TIAM1: variants seen among roughly 807,000 people sequenced by gnomAD.
The protein encoded by TIAM1 is TIAM Rac1 associated GEF 1, also known as rho guanine nucleotide exchange factor TIAM1.
In TIAM1, 65 loss-of-function variants were observed where a neutral mutation model predicts 163.5. The observed-to-expected ratio is 0.40, with a 90% CI of 0.33 to 0.49. The LOEUF (loss-of-function observed/expected upper bound fraction) is 0.49, where lower values mean the gene tolerates loss of function less well. Ranked by LOEUF, TIAM1 falls within the 20% of genes least tolerant of loss-of-function variation. The probability of loss-of-function intolerance (pLI) is 0.77; values close to 1 mark genes in which losing one functional copy is unlikely to be tolerated. For missense variants in TIAM1, 1,789 were observed against 2,044.7 expected (o/e 0.87, Z 2.41); for synonymous variants, 833 against 810.1 (o/e 1.03, Z -0.48).
At chr21:31,123,584 T>C (rs1175080284) in intron 27 of TIAM1, among the ~76,000 whole-genome samples, 3 of 152,156 alleles carry the variant, frequency 2.0e-5, no homozygotes, top group Admixed American at 6.5e-5. Flanking sequence ...CAGGTAGGTT[T>C]TGTCTATGAA....
At chr21:31,327,014 C>A (rs189412911) in intron 2 of TIAM1, among the ~76,000 whole-genome samples, 1 of 152,158 alleles carries the variant, frequency 6.6e-6, no homozygotes, top group Non-Finnish European at 1.5e-5. Context: ...GTTCCGGCCG[C>A]GATTTAACAT....
intron 2 of TIAM1, among the ~76,000 whole-genome samples, chr21:31,334,749 T>C (rs845943): frequency 0.15 from 23,410 of 152,160 alleles, 1,935 homozygotes; most frequent in Non-Finnish European, 0.18. Flanking sequence ...AAAGGCTGTG[T>C]GCTTTGAGCA....
chr21:31,241,779 G>A (rs1056862303), intron 6 of TIAM1, among the ~76,000 whole-genome samples: 1 of 152,198 alleles, frequency 6.6e-6, no homozygotes, highest in African/African-American at 2.4e-5. Flanking sequence ...GACCAAAATG[G>A]GAAGACTGCT....
At chr21:31,337,325 G>C (rs1437048763) in intron 2 of TIAM1, among the ~76,000 whole-genome samples, 1 of 151,926 alleles carries the variant, frequency 6.6e-6, no homozygotes, top group Non-Finnish European at 1.5e-5. Flanking sequence ...TGGGGGTATA[G>C]AGACTACCAG....
At chr21:31,132,612 T>C (rs2082456445) in intron 23 of TIAM1, among the ~76,000 whole-genome samples, 1 of 152,206 alleles carries the variant, frequency 6.6e-6, no homozygotes, top group African/African-American at 2.4e-5. Context: ...AGCTCAATGC[T>C]ATGATTCCCT....
At chr21:31,295,383 T>A (rs2074208304) in intron 2 of TIAM1, among the ~76,000 whole-genome samples, 1 of 140,850 alleles carries the variant, frequency 7.1e-6, no homozygotes, top group South Asian at 2.3e-4. Flanking sequence ...GGCAGGAGAA[T>A]GGCGTGAACC....
At chr21:31,177,492 G>A (rs1015898274) in intron 15 of TIAM1, among the ~76,000 whole-genome samples, 21 of 152,092 alleles carry the variant, frequency 1.4e-4, no homozygotes, top group African/African-American at 3.9e-4. Flanking sequence ...CTGTAATCCC[G>A]GCTATTTGGG....
At chr21:31,281,314 C>T (rs1464619430) in intron 2 of TIAM1, among the ~76,000 whole-genome samples, 2 of 151,908 alleles carry the variant, frequency 1.3e-5, no homozygotes, top group African/African-American at 2.4e-5. Context: ...AAAATGAGGA[C>T]GTAAATATTA....
intron 19 of TIAM1, among the ~76,000 whole-genome samples, chr21:31,152,349 A>T (rs950379700): frequency 6.6e-6 from 1 of 152,184 alleles, no homozygotes; most frequent in Non-Finnish European, 1.5e-5. Context: ...GCCTATTCTA[A>T]TTCACTGATA....
intron 13 of TIAM1, among the ~76,000 whole-genome samples, chr21:31,187,765 C>T (rs753204206): frequency 7.9e-5 from 12 of 152,092 alleles, no homozygotes; most frequent in African/African-American, 1.2e-4. Flanking sequence ...AGGTATTCTA[C>T]GTGGCTTGAG....
intron 1 of TIAM1, among the ~76,000 whole-genome samples, chr21:31,474,749 T>C (rs908864346): frequency 1.3e-5 from 2 of 152,022 alleles, no homozygotes; most frequent in Non-Finnish European, 1.5e-5. Flanking sequence ...TTCCTCCATG[T>C]TGGTCAGGCT....
chr21:31,411,746 G>A lies in TIAM1; in HGVS notation c.-369+52237C>T, dbSNP rs564554252. On this transcript the variant is annotated intron_variant, in intron 2 of 28. Transcript: ENST00000286827. Reference sequence around the variant, plus strand: ...CCGTCTTGGCCTCCCAAAGGGCTGGGATTACAGGCATGAGCTACCATGCCC... The same window carrying A: ...CCGTCTTGGCCTCCCAAAGGGCTGGAATTACAGGCATGAGCTACCATGCCC... Among the ~76,000 whole-genome samples the A allele has an allele frequency of 1.7e-4, 26 of 152,268 alleles. No homozygotes were observed. In the South Asian group the frequency reaches 5.2e-3, roughly 30 times the overall value.
intron 20 of TIAM1, among the ~76,000 whole-genome samples, chr21:31,144,372 G>A (rs926726620): frequency 6.6e-6 from 1 of 152,172 alleles, no homozygotes; most frequent in Non-Finnish European, 1.5e-5. Context: ...TTCACCCATC[G>A]ACTGAATTCC....
chr21:31,377,094 G>A (rs957815100), intron 2 of TIAM1, among the ~76,000 whole-genome samples: 14 of 137,592 alleles, frequency 1.0e-4, no homozygotes, highest in African/African-American at 3.9e-4. Context: ...GGGCAAGCTG[G>A]TCTTGAACTC....
chr21:31,467,087 T>C (rs1602350149), intron 1 of TIAM1, among the ~76,000 whole-genome samples: 1 of 152,096 alleles, frequency 6.6e-6, no homozygotes, highest in African/African-American at 2.4e-5. Flanking sequence ...TTAAACAAAG[T>C]TCCATAATCC....
chr21:31,209,586 T>C (rs969556066), intron 11 of TIAM1, among the ~76,000 whole-genome samples: 1 of 152,206 alleles, frequency 6.6e-6, no homozygotes, highest in Non-Finnish European at 1.5e-5. Flanking sequence ...GGTTACTGAT[T>C]AAAGAGCAGG....
At chr21:31,533,157 C>A (rs548180573) in intron 1 of TIAM1, among the ~76,000 whole-genome samples, 1 of 152,126 alleles carries the variant, frequency 6.6e-6, no homozygotes, top group East Asian at 1.9e-4. Context: ...CCTGTCTCTA[C>A]TAAAACCACA....
intron 2 of TIAM1, among the ~76,000 whole-genome samples, chr21:31,358,271 C>T (rs1366365187): frequency 6.6e-6 from 1 of 152,180 alleles, no homozygotes. Context: ...GGTTGTTCTA[C>T]ACCACTGTTT....
chr21:31,335,257 A>T (rs894474666), intron 2 of TIAM1, among the ~76,000 whole-genome samples: 2 of 152,118 alleles, frequency 1.3e-5, no homozygotes, highest in African/African-American at 4.8e-5. Flanking sequence ...CTAAAAATAA[A>T]ATGAGATCCC....
Sources: allele counts gnomAD v4.1 joint callset (sites outside exome capture counted in the v4.1 genomes callset), GRCh38; gene constraint gnomAD v4.1.1; transcripts MANE v1.5; gene names NCBI Gene and HGNC (gene_info 2026-07-23, HGNC 2026-07-21).